The following ADAMTSL3 variants were observed in gnomAD, a reference collection of about 807,000 sequenced individuals.
The protein encoded by ADAMTSL3 is ADAMTS-like protein 3.
ADAMTSL3 carries 128 observed loss-of-function variants against 201.7 expected under a neutral mutation model. That is an observed-to-expected ratio of 0.63 (90% confidence interval 0.55 to 0.73). ADAMTSL3 has a LOEUF of 0.73. Among genes scored for constraint, ADAMTSL3 ranks in the 30% least tolerant of loss-of-function variants. The pLI is 0.00. For missense variants in ADAMTSL3, 1,990 were observed against 2,119.6 expected, an observed-to-expected ratio of 0.94 and a Z score of 1.20; for synonymous variants, 738 against 748.4, an observed-to-expected ratio of 0.99 and a Z score of 0.23.
intron 6 of ADAMTSL3, among the ~76,000 whole-genome samples, chr15:83,821,186 T>C (rs891422660): frequency 6.6e-6 from 1 of 152,152 alleles, no homozygotes; most frequent in African/African-American, 2.4e-5. Context: ...TTTTTTTTTT[T>C]CCAAATGTGA....
chr15:83,672,610 G>A (rs2061342371), intron 2 of ADAMTSL3, among the ~76,000 whole-genome samples: 1 of 152,210 alleles, frequency 6.6e-6, no homozygotes, highest in Admixed American at 6.5e-5. Context: ...TATTCCTCCA[G>A]TTGAGAGAGA....
chr15:83,702,594 T>C (rs1023205915), intron 2 of ADAMTSL3, among the ~76,000 whole-genome samples: 1 of 151,714 alleles, frequency 6.6e-6, no homozygotes, highest in Non-Finnish European at 1.5e-5. Flanking sequence ...GAGCTCGGGC[T>C]GTGGCTTCAG....
intron 16 of ADAMTSL3, among the ~76,000 whole-genome samples, chr15:83,920,940 C>A (rs1056735136): frequency 5.9e-5 from 9 of 152,118 alleles, no homozygotes; most frequent in African/African-American, 1.9e-4. Flanking sequence ...AGTTTCCCCC[C>A]ACTTATTGTT....
At chr15:84,020,044 A>G (rs559911741) in intron 25 of ADAMTSL3, among the ~76,000 whole-genome samples, 126 of 152,286 alleles carry the variant, frequency 8.3e-4, no homozygotes, top group South Asian at 6.4e-3. Flanking sequence ...GAGGGGGATG[A>G]TGAAAATATT....
chr15:83,794,907 C>T (rs1481116542), intron 4 of ADAMTSL3, among the ~76,000 whole-genome samples: 4 of 152,116 alleles, frequency 2.6e-5, no homozygotes, highest in Admixed American at 2.6e-4. Context: ...GGCTTGAGTA[C>T]AGCGGCACAA....
intron 3 of ADAMTSL3, among the ~76,000 whole-genome samples, chr15:83,761,284 A>T (rs760465075): frequency 1.3e-5 from 2 of 152,126 alleles, no homozygotes; most frequent in Non-Finnish European, 2.9e-5. Flanking sequence ...ATAGGCTGTC[A>T]TTGTCAGGTA....
At chr15:83,896,692 T>A (rs1313249332) in intron 13 of ADAMTSL3, among the ~76,000 whole-genome samples, 1 of 152,074 alleles carries the variant, frequency 6.6e-6, no homozygotes, top group African/African-American at 2.4e-5. Flanking sequence ...TCAAAAAATA[T>A]AGTCTATCAA....
intron 4 of ADAMTSL3, among the ~76,000 whole-genome samples, chr15:83,793,161 G>T (rs2063369323): frequency 6.6e-6 from 1 of 152,140 alleles, no homozygotes; most frequent in Non-Finnish European, 1.5e-5. Flanking sequence ...AGAGTAAAAA[G>T]GCAGTTGCTA....
chr15:83,939,285 G>A (rs980643249), intron 17 of ADAMTSL3, among the ~76,000 whole-genome samples: 1 of 151,786 alleles, frequency 6.6e-6, no homozygotes, highest in Non-Finnish European at 1.5e-5. Context: ...GGTTGGAATT[G>A]TTTATGCCTT....
At position 83,823,892 on chromosome 15, in the gene ADAMTSL3, CCTCTTCTTCT is replaced by C. The variant is rs2063938730; in HGVS notation, c.600+3846_600+3855del. 3.4e-5 allele frequency among the ~76,000 whole-genome samples: 3 copies of C among 88,082 alleles called. 1 individual carries two copies. Among genetic ancestry groups the C allele is most frequent in the African/African-American group, 1.7e-4 (3 of 17,228 alleles). The allele number at this position is 88,082 out of a possible 152,430, so 57.8% of individuals were successfully genotyped here. A position where few individuals can be genotyped will look rare whatever the true frequency, so the allele number is the denominator to read the frequency against. ...CAGACTCCATTTCCTTCTTCTTCTT[CCTCTTCTTCT>C]TCTTCTTCTTCTTCTTCTTCTTCTT... On this transcript the variant is annotated intron_variant, in intron 6 of 29. Transcript: ENST00000286744.
At chr15:84,004,959 G>A (rs1390029541) in intron 23 of ADAMTSL3, among the ~76,000 whole-genome samples, 1 of 152,190 alleles carries the variant, frequency 6.6e-6, no homozygotes, top group Non-Finnish European at 1.5e-5. Context: ...AAATTGAAAA[G>A]GCTTTTGTGC....
Position 83,939,043 on chromosome 15 carries a change from A to C in ADAMTSL3, c.2118-3553A>C, listed in dbSNP as rs2066509139. ...TTTTTCTGTCTCTATTGAAATGATCATATGAATTTTTTCCTATAGTTTGCT... is the reference window on the plus strand; with the variant it reads ...TTTTTCTGTCTCTATTGAAATGATCCTATGAATTTTTTCCTATAGTTTGCT... On this transcript the variant is annotated intron_variant, in intron 17 of 29. Transcript: ENST00000286744. 2.0e-5 allele frequency among the ~76,000 whole-genome samples: 3 copies of C among 152,208 alleles called. No homozygotes were observed. In the South Asian group the frequency reaches 6.2e-4, roughly 31 times the overall value.
At chr15:83,954,889 T>C (rs967555974) in intron 19 of ADAMTSL3, among the ~76,000 whole-genome samples, 3 of 152,198 alleles carry the variant, frequency 2.0e-5, no homozygotes, top group African/African-American at 2.4e-5. Context: ...GGAGCTGGGA[T>C]TGGGGTGATG....
At chr15:83,977,948 C>T (rs2067315314) in intron 20 of ADAMTSL3, among the ~76,000 whole-genome samples, 1 of 152,226 alleles carries the variant, frequency 6.6e-6, no homozygotes, top group Non-Finnish European at 1.5e-5. Context: ...AAAGTATCTG[C>T]CCAGGTTCTT....
chr15:83,691,675 T>C (rs2061610024), intron 2 of ADAMTSL3, among the ~76,000 whole-genome samples: 1 of 152,196 alleles, frequency 6.6e-6, no homozygotes. Context: ...AGTGCAATGG[T>C]GCGATCTTGG....
chr15:83,843,955 T>C (rs1328917622), intron 7 of ADAMTSL3, among the ~76,000 whole-genome samples: 1 of 152,216 alleles, frequency 6.6e-6, no homozygotes, highest in Non-Finnish European at 1.5e-5. Flanking sequence ...AAAAGGAAAC[T>C]AGAGGCCACT....
intron 6 of ADAMTSL3, among the ~76,000 whole-genome samples, chr15:83,836,793 G>A (rs1227728755): frequency 6.6e-6 from 1 of 152,150 alleles, no homozygotes; most frequent in Non-Finnish European, 1.5e-5. Context: ...ACGAGTCTCT[G>A]AGAGTTTGAA....
intron 4 of ADAMTSL3, among the ~76,000 whole-genome samples, chr15:83,780,463 C>T (rs896241670): frequency 6.7e-6 from 1 of 149,438 alleles, no homozygotes; most frequent in African/African-American, 2.5e-5. Flanking sequence ...GAATATACAT[C>T]AAAATAATAA....
At chr15:83,746,440 T>G (rs2062548730) in intron 3 of ADAMTSL3, among the ~76,000 whole-genome samples, 1 of 151,680 alleles carries the variant, frequency 6.6e-6, no homozygotes, top group African/African-American at 2.4e-5. Context: ...GGATATTGGG[T>G]GTTAACTATC....
Sources: allele counts gnomAD v4.1 joint callset (sites outside exome capture counted in the v4.1 genomes callset), GRCh38; gene constraint gnomAD v4.1.1; transcripts MANE v1.5; gene names NCBI Gene and HGNC (gene_info 2026-07-23, HGNC 2026-07-21).